TOX2: variants seen among roughly 807,000 people sequenced by gnomAD.
The protein encoded by TOX2 is TOX high mobility group box family member 2, also known as granulosa cell HMG box 1.
TOX2 carries 15 observed loss-of-function variants against 47.4 expected under a neutral mutation model. That is an observed-to-expected ratio of 0.32 (90% confidence interval 0.21 to 0.49). The LOEUF (loss-of-function observed/expected upper bound fraction) is 0.49. Ranked by LOEUF, TOX2 falls within the 20% of genes least tolerant of loss-of-function variation. The pLI, the probability that TOX2 is intolerant of heterozygous loss-of-function variation, is 0.99. For synonymous variants in TOX2, 290 were observed against 296.6 expected (o/e 0.98, Z 0.23); for missense variants, 622 against 673.1 (o/e 0.92, Z 0.84).
intron 1 of TOX2, among the ~76,000 whole-genome samples, chr20:43,918,962 C>T (rs181615517): frequency 6.6e-6 from 1 of 152,284 alleles, no homozygotes. Flanking sequence ...AATTAGATAA[C>T]AACAATATCA....
At chr20:44,019,653 G>C (rs1402848157) in intron 3 of TOX2, among the ~76,000 whole-genome samples, 2 of 152,214 alleles carry the variant, frequency 1.3e-5, no homozygotes, top group Admixed American at 1.3e-4. Flanking sequence ...GTGTTGGGCA[G>C]AGCTGTGGGA....
intron 1 of TOX2, among the ~76,000 whole-genome samples, chr20:43,929,595 G>C (rs182196729): frequency 3.3e-5 from 5 of 152,314 alleles, no homozygotes; most frequent in African/African-American, 1.2e-4. Context: ...CTCCTGCCCA[G>C]CCTCTGACCT....
chr20:43,921,760 A>G (rs935510079), intron 1 of TOX2, among the ~76,000 whole-genome samples: 2 of 151,962 alleles, frequency 1.3e-5, no homozygotes, highest in Admixed American at 6.6e-5. Context: ...CTGGGCTCAA[A>G]TGATCCTTCT....
chr20:44,024,136 A>G (rs1010208873), intron 3 of TOX2, among the ~76,000 whole-genome samples: 1 of 152,190 alleles, frequency 6.6e-6, no homozygotes, highest in Non-Finnish European at 1.5e-5. Flanking sequence ...TCCTAAGATG[A>G]TTATTACATT....
At chr20:43,934,944 G>A (rs183421815) in intron 1 of TOX2, among the ~76,000 whole-genome samples, 58 of 152,156 alleles carry the variant, frequency 3.8e-4, no homozygotes, top group African/African-American at 1.4e-3. Flanking sequence ...AGTGTTTTGT[G>A]GGGCAGAGGC....
At chr20:44,067,096 T>G (rs1405640326) in intron 8 of TOX2, among the ~76,000 whole-genome samples, 3 of 152,178 alleles carry the variant, frequency 2.0e-5, no homozygotes, top group Non-Finnish European at 4.4e-5. Flanking sequence ...TCTTGCTGCT[T>G]CTTCCTTGCT....
rs184959434 is a variant in TOX2 at position 43,989,414 on chromosome 20, T to C, written c.165+15982T>C. ...ACATGCGGGAGCCCAGTCCCTTCTA[T>C]TTATAAAGAAGCAGAATCACACAGT... On this transcript the variant is annotated intron_variant, in intron 2 of 8. Coordinates refer to ENST00000341197, the MANE Select transcript of TOX2 (RefSeq NM_001098797.2). Among the ~76,000 whole-genome samples, 8 of 152,286 alleles carry C rather than the reference T, an allele frequency of 5.3e-5. No homozygotes were observed. The East Asian group carries it at 1.5e-3, about 29-fold the overall frequency.
chr20:43,973,315 C>A, intron 1 of TOX2, 52 bp from the exon 2 acceptor site: 1 of 1,586,862 alleles, frequency 6.3e-7, no homozygotes, highest in South Asian at 1.1e-5. Context: ...CTCCTGGTGC[C>A]TTCCTGAGAG....
At chr20:44,050,616 C>CAGTT (rs1456881872) in intron 3 of TOX2, among the ~76,000 whole-genome samples, 1 of 152,128 alleles carries the variant, frequency 6.6e-6, no homozygotes, top group South Asian at 2.1e-4. Context: ...CAGAAGTAAC[C>CAGTT]AGTTAGAAAA....
intron 7 of TOX2, 76 bp downstream of exon 7, chr20:44,066,183 G>C: frequency 7.1e-7 from 1 of 1,415,764 alleles, no homozygotes. Flanking sequence ...TCAAACCCTG[G>C]CCCTGCCACT....
chr20:43,934,075 G>A (rs555996001), intron 1 of TOX2, among the ~76,000 whole-genome samples: 77 of 151,834 alleles, frequency 5.1e-4, no homozygotes, highest in Admixed American at 2.6e-3. Flanking sequence ...GAAGGTGAGG[G>A]TGGGGATGGG....
chr20:43,986,968 G>A (rs2070279109), intron 2 of TOX2, among the ~76,000 whole-genome samples: 1 of 152,140 alleles, frequency 6.6e-6, no homozygotes, highest in Admixed American at 6.5e-5. Context: ...AGAGGCTAAG[G>A]TGGGACGATC....
chr20:43,988,486 T>A (rs2145536687), intron 2 of TOX2, among the ~76,000 whole-genome samples: 1 of 152,366 alleles, frequency 6.6e-6, no homozygotes, highest in East Asian at 1.9e-4. Context: ...AATCTCTCAT[T>A]GCCTCAGTTT....
At chr20:43,945,576 A>G (rs1181083330) in intron 1 of TOX2, 1 of 274,078 alleles carries the variant, frequency 3.6e-6, no homozygotes, top group Non-Finnish European at 7.2e-6. Context: ...AGGCTCTTCC[A>G]GTGCAACACC....
intron 3 of TOX2, among the ~76,000 whole-genome samples, chr20:44,014,125 T>C (rs1356262769): frequency 1.5e-5 from 1 of 66,556 alleles, no homozygotes; most frequent in Non-Finnish European, 2.5e-5. Context: ...AGTGAGACTA[T>C]CTCAAAAAAA....
At chr20:44,022,248 T>A (rs190299158) in intron 3 of TOX2, among the ~76,000 whole-genome samples, 1 of 152,280 alleles carries the variant, frequency 6.6e-6, no homozygotes, top group African/African-American at 2.4e-5. Flanking sequence ...AACTGGATTT[T>A]GAGTTTCTCC....
intron 3 of TOX2, among the ~76,000 whole-genome samples, chr20:44,025,810 T>C (rs1049041256): frequency 5.3e-5 from 8 of 151,810 alleles, no homozygotes; most frequent in African/African-American, 1.9e-4. Flanking sequence ...AGCTCTATCC[T>C]GGGCAATCTT....
intron 1 of TOX2, among the ~76,000 whole-genome samples, chr20:43,948,260 G>A (rs948111390): frequency 6.6e-6 from 1 of 152,152 alleles, no homozygotes; most frequent in Non-Finnish European, 1.5e-5. Context: ...AGAAGTGGGA[G>A]GCCTGAGTTG....
At chr20:43,998,753 A>G (rs1044843097) in intron 2 of TOX2, among the ~76,000 whole-genome samples, 12 of 151,534 alleles carry the variant, frequency 7.9e-5, no homozygotes, top group African/African-American at 2.7e-4. Context: ...CTATCTATCT[A>G]TCTATCTATC....
Sources: gnomAD v4.1 joint callset for allele counts (sites outside exome capture counted in the v4.1 genomes callset) on GRCh38, gnomAD v4.1.1 for gene constraint, MANE v1.5 for transcripts, NCBI Gene and HGNC (gene_info 2026-07-23, HGNC 2026-07-21) for gene names.